Variants in PTH2R observed in about 807,000 individuals in gnomAD.
PTH2R encodes the protein PTH2 receptor.
In PTH2R, 59 loss-of-function variants were observed where a neutral mutation model predicts 60.3. The ratio of observed to expected loss-of-function variants is 0.98; its 90% CI spans 0.79 to 1.22. The LOEUF (loss-of-function observed/expected upper bound fraction) is 1.22, where lower values mean the gene tolerates loss of function less well. PTH2R is among the 50% of genes most tolerant of loss of function. The pLI is 0.00. For missense variants in PTH2R, 749 were observed against 682.6 expected, an observed-to-expected ratio of 1.10 and a Z score of -1.08; for synonymous variants, 256 against 243.8, an observed-to-expected ratio of 1.05 and a Z score of -0.47.
chr2:208,401,377 T>G (rs1343150085), intron 1 of PTH2R, among the ~76,000 whole-genome samples: 1 of 152,178 alleles, frequency 6.6e-6, no homozygotes, highest in Non-Finnish European at 1.5e-5. Flanking sequence ...AACAGTGGCC[T>G]TTCCTTCTGC....
At position 208,385,304 on chromosome 2, in the gene PTH2R, A is replaced by G. The variant is rs2125878799; in HGVS notation, c.-259+25067A>G. Among the ~76,000 whole-genome samples, 2 of 152,346 alleles carry G rather than the reference A, an allele frequency of 1.3e-5. 1 individual carries two copies. The highest frequency in any genetic ancestry group is 4.1e-4 in the South Asian group (2 of 4,832). ...AAAGTGAGCAGTAAGTGTGGTCAGT[A>G]AACACATCAAAAAGTTCCCTTCACT... On this transcript the variant is annotated intron_variant, in intron 1 of 12. Transcript: ENST00000617735.
chr2:208,384,275 G>A (rs1361644327), intron 1 of PTH2R, among the ~76,000 whole-genome samples: 1 of 152,202 alleles, frequency 6.6e-6, no homozygotes, highest in East Asian at 1.9e-4. Context: ...ACATCAAGAA[G>A]TTATGCCAGT....
intron 1 of PTH2R, among the ~76,000 whole-genome samples, chr2:208,389,871 A>G (rs767662271): frequency 8.5e-5 from 13 of 152,136 alleles, no homozygotes; most frequent in Non-Finnish European, 1.6e-4. Context: ...AACATCTGGC[A>G]CATAGTAGGT....
At chr2:208,413,715 A>G (rs1701586855) in intron 1 of PTH2R, among the ~76,000 whole-genome samples, 1 of 152,206 alleles carries the variant, frequency 6.6e-6, no homozygotes, top group Non-Finnish European at 1.5e-5. Context: ...CTAATTAGCC[A>G]CCTTGAATAA....
intron 1 of PTH2R, among the ~76,000 whole-genome samples, chr2:208,382,526 G>C (rs1700933464): frequency 6.6e-6 from 1 of 152,120 alleles, no homozygotes; most frequent in Non-Finnish European, 1.5e-5. Context: ...GAATTGCCTA[G>C]GTAATACATG....
intron 9 of PTH2R, among the ~76,000 whole-genome samples, chr2:208,470,372 T>C (rs779131281): frequency 3.3e-5 from 5 of 152,212 alleles, no homozygotes; most frequent in Non-Finnish European, 4.4e-5. Flanking sequence ...CCAAAATGTT[T>C]TGATATGGTT....
At chr2:208,360,295 C>A (rs538502905) in intron 1 of PTH2R, 1 of 379,302 alleles carries the variant, frequency 2.6e-6, no homozygotes, top group Non-Finnish European at 5.3e-6. Context: ...CCTACGGGGT[C>A]TCCTACTGGT....
rs773160973 is a variant in PTH2R, at chr2:208,489,094, A to G, written c.1159A>G (p.Thr387Ala). ...IVFVCLPHSF[T>A]GLGWEIRMHC... ...GTTCGTATGCCTGCCTCACTCCTTC[A>G]CTGGGCTCGGGTGGGAGATCCGCAT... The change falls in exon 11 of 13, where the codon ACT becomes GCT. Residue 387 changes from threonine (T) to alanine (A), a missense_variant. Transcript: ENST00000272847. 6.2e-7 allele frequency: 1 copy of G among 1,614,066 alleles called. No individual in the cohort carries two copies. Among genetic ancestry groups the G allele is most frequent in the Non-Finnish European group, 8.5e-7 (1 of 1,180,014 alleles).
intron 2 of PTH2R, among the ~76,000 whole-genome samples, chr2:208,435,427 G>A (rs1215684308): frequency 6.6e-6 from 1 of 152,180 alleles, no homozygotes; most frequent in Non-Finnish European, 1.5e-5. Flanking sequence ...ATTCTGGATT[G>A]TCTGAGTGGG....
chr2:208,436,700 A>T (rs543955599), intron 2 of PTH2R, among the ~76,000 whole-genome samples: 9 of 152,140 alleles, frequency 5.9e-5, no homozygotes, highest in African/African-American at 1.9e-4. Flanking sequence ...CACAGAGTGC[A>T]CTGGGCTAAT....
chr2:208,408,740 A>AGAAAGAGAGAGAGAG lies in PTH2R; in HGVS notation c.75+1622_75+1623insGAAAGAGAGAGAGAG, dbSNP rs1553542827. Among the ~76,000 whole-genome samples, 964 of 123,276 alleles carry AGAAAGAGAGAGAGAG rather than the reference A, an allele frequency of 7.8e-3. 19 individuals are homozygous for AGAAAGAGAGAGAGAG. The highest frequency in any genetic ancestry group is 0.032 in the African/African-American group (805 of 25,514). The allele number at this position is 123,276 out of a possible 152,430, so 80.9% of individuals were successfully genotyped here. ...GAAAGGAAAGAGAGAGAGAGAGAGA[A>AGAAAGAGAGAGAGAG]AGAGAGAGAGAGAGAGAGAGAGAGA... On this transcript the variant is annotated intron_variant, in intron 1 of 12. Transcript: ENST00000272847.
chr2:208,450,886 C>T lies in PTH2R; in HGVS notation c.914+77C>T, dbSNP rs571978122. 71 of 1,478,102 alleles carry T rather than the reference C, an allele frequency of 4.8e-5. No individual in the cohort carries two copies. In the East Asian group the frequency reaches 7.5e-4, roughly 16 times the overall value. The allele number at this position is 1,478,102 out of a possible 1,614,324, so 91.6% of individuals were successfully genotyped here. On this transcript the variant is annotated intron_variant, in intron 8 of 12. Transcript: ENST00000272847. Reference sequence around the variant, plus strand: ...AGGCTTCCTGCTCAGAATTCACACTCGCTTCTGTTCTTGATGCCATTGCTT... The same window carrying T: ...AGGCTTCCTGCTCAGAATTCACACTTGCTTCTGTTCTTGATGCCATTGCTT...
Position 208,450,807 on chromosome 2 carries a change from G to A in PTH2R, c.912G>A (p.Ala304=), listed in dbSNP as rs755132889. ...TGGCACGAGCAACTCTGGCTGATGCGAGGTGAGTGAAAAGGCAGGGGAAAC... is the reference window on the plus strand; with the variant it reads ...TGGCACGAGCAACTCTGGCTGATGCAAGGTGAGTGAAAAGGCAGGGGAAAC... ...WAVARATLAD[A]RCWELSAGDI... Residue 304 remains alanine (A), a splice_region_variant and synonymous_variant, in exon 8 of 13, where the codon GCG becomes GCA. Transcript: ENST00000272847. 5.0e-6 allele frequency: 8 copies of A among 1,613,806 alleles called. No homozygotes were observed. The highest frequency in any genetic ancestry group is 4.0e-5 in the African/African-American group (3 of 74,922).
chr2:208,488,969 G>A lies in PTH2R; in HGVS notation c.1077-43G>A, dbSNP rs371899468. On this transcript the variant is annotated intron_variant, in intron 10 of 12. Coordinates refer to ENST00000272847, the MANE Select transcript of PTH2R (RefSeq NM_005048.4). ...TCCAGCACGCTGTCTTTACTGAAAG[G>A]CACTCTAGTTAATGAATGAAAAGAC... 4.0e-5 allele frequency: 64 copies of A among 1,608,604 alleles called. No homozygotes were observed. The African/African-American group carries it at 7.6e-4, about 19-fold the overall frequency.
At chr2:208,434,959 TTTA>T (rs1192533094) in intron 2 of PTH2R, among the ~76,000 whole-genome samples, 2 of 152,190 alleles carry the variant, frequency 1.3e-5, no homozygotes, top group African/African-American at 4.8e-5. Flanking sequence ...AGCTCGGGCT[TTTA>T]TTATGTGAGC....
chr2:208,368,390 C>T (rs1700633575), intron 1 of PTH2R, among the ~76,000 whole-genome samples: 1 of 152,198 alleles, frequency 6.6e-6, no homozygotes, highest in South Asian at 2.1e-4. Flanking sequence ...ACTTAGCTGC[C>T]ATCCTAATTG....
At chr2:208,406,495 C>T (rs932040328), upstream of PTH2R, among the ~76,000 whole-genome samples, 11 of 152,262 alleles carry the variant, frequency 7.2e-5, no homozygotes, top group Admixed American at 6.5e-4. Flanking sequence ...TCCTCGGGGC[C>T]GATGGTCAGC....
intron 1 of PTH2R, among the ~76,000 whole-genome samples, chr2:208,395,925 T>C (rs993627671): frequency 3.3e-5 from 5 of 152,124 alleles, no homozygotes; most frequent in African/African-American, 9.7e-5. Context: ...ACAAGGCTAC[T>C]GTAACCAAAA....
At chr2:208,452,979 G>T (rs1404488924) in intron 8 of PTH2R, among the ~76,000 whole-genome samples, 1 of 152,162 alleles carries the variant, frequency 6.6e-6, no homozygotes, top group Non-Finnish European at 1.5e-5. Context: ...TGAAGGAGTA[G>T]AGTTGAAGAG....
Sources: gnomAD v4.1 joint callset for allele counts (sites outside exome capture counted in the v4.1 genomes callset) on GRCh38, gnomAD v4.1.1 for gene constraint, MANE v1.5 for transcripts, NCBI Gene and HGNC (gene_info 2026-07-23, HGNC 2026-07-21) for gene names.